SCN4B: variants seen among roughly 807,000 people sequenced by gnomAD.
SCN4B encodes the protein sodium voltage-gated channel beta subunit 4.
Under a neutral mutation model 19.6 loss-of-function variants are expected in SCN4B, and 20 were observed. That is an observed-to-expected ratio of 1.02 (90% CI 0.72 to 1.48). SCN4B has a LOEUF of 1.48. SCN4B is among the 40% of genes most tolerant of loss of function. SCN4B has a pLI of 0.00. For synonymous variants in SCN4B, 127 were observed against 122.8 expected, an observed-to-expected ratio of 1.03 and a Z score of -0.22; for missense variants, 271 against 287.5, an observed-to-expected ratio of 0.94 and a Z score of 0.42.
chr11:118,145,700 G>C (rs1948165049), intron 1 of SCN4B: 2 of 311,932 alleles, frequency 6.4e-6, no homozygotes, highest in East Asian at 1.7e-4. Context: ...GGTCGAGGAG[G>C]GGGAAGAGCC....
intron 4 of SCN4B, 119 bp downstream of exon 4, chr11:118,141,088 A>G: frequency 9.0e-7 from 1 of 1,108,724 alleles, no homozygotes; most frequent in African/African-American, 1.6e-5. Context: ...TAGAACAGAG[A>G]GCGGTAGGAA....
intron 3 of SCN4B, 30 bp from the exon 4 acceptor site, chr11:118,141,366 A>C: frequency 6.2e-7 from 1 of 1,611,960 alleles, no homozygotes; most frequent in East Asian, 2.2e-5. Context: ...AGGAAAGGGA[A>C]GGCACAAAGG....
intron 1 of SCN4B, chr11:118,145,620 C>G: frequency 2.2e-6 from 1 of 451,266 alleles, no homozygotes; most frequent in East Asian, 7.0e-5. Context: ...GGGCTCCCTT[C>G]TGTTTGCAGG....
chr11:118,140,290 G>T (rs990621419), intron 4 of SCN4B, among the ~76,000 whole-genome samples: 1 of 152,134 alleles, frequency 6.6e-6, no homozygotes, highest in African/African-American at 2.4e-5. Flanking sequence ...GTCCTCCCCT[G>T]CTCCCCAGCC....
At chr11:118,144,696 C>G (rs1236351430) in intron 2 of SCN4B, among the ~76,000 whole-genome samples, 1 of 152,186 alleles carries the variant, frequency 6.6e-6, no homozygotes, top group African/African-American at 2.4e-5. Flanking sequence ...CAGCCCTTCC[C>G]TCATTCAGAC....
At chr11:118,151,304 T>A (rs1233981249) in intron 1 of SCN4B, among the ~76,000 whole-genome samples, 1 of 152,128 alleles carries the variant, frequency 6.6e-6, no homozygotes, top group South Asian at 2.1e-4. Flanking sequence ...TCCTCAGTGA[T>A]CCTTTACCCC....
chr11:118,139,544 A>ACAGTGCCTTGCGCACAGTGCCTTGCACC (rs1008211848), intron 4 of SCN4B, among the ~76,000 whole-genome samples: 6 of 152,130 alleles, frequency 3.9e-5, no homozygotes, highest in Admixed American at 3.9e-4. Flanking sequence ...AGCATCTGGC[A>ACAGTGCCTTGCGCACAGTGCCTTGCACC]CAGTGCCTCA....
At chr11:118,140,166 C>A (rs1208164593) in intron 4 of SCN4B, among the ~76,000 whole-genome samples, 2 of 152,186 alleles carry the variant, frequency 1.3e-5, no homozygotes, top group African/African-American at 4.8e-5. Flanking sequence ...AAAAACAGAA[C>A]CTAATTAAGC....
intron 1 of SCN4B, chr11:118,145,830 G>T (rs1948166867): frequency 5.4e-6 from 1 of 186,436 alleles, no homozygotes; most frequent in Non-Finnish European, 1.1e-5. Context: ...AGAGGCAGAA[G>T]GACACGTTCG....
At position 118,135,492 on chromosome 11, in the gene SCN4B, T is replaced by A. The variant is rs1490885265; in HGVS notation, c.*1535A>T. 2.2e-6 allele frequency: 1 copy of A among 454,012 alleles called. No homozygotes were observed. Among genetic ancestry groups the A allele is most frequent in the South Asian group, 1.6e-5 (1 of 64,472 alleles). The allele number at this position is 454,012 out of a possible 1,614,324, so 28.1% of individuals were successfully genotyped here. On this transcript the variant is annotated 3_prime_UTR_variant, in exon 5 of 5. Transcript: ENST00000324727. ...GGAAGTAGATGGGCAGAGAGGCTTG[T>A]TACCACTTTTCCCTGCCATCCCTGG... is the stretch of plus-strand genomic sequence containing the variant.
Position 118,134,405 on chromosome 11 carries a change from A to G in SCN4B, c.*2622T>C, listed in dbSNP as rs2135494123. On this transcript the variant is annotated 3_prime_UTR_variant, in exon 5 of 5. Coordinates refer to ENST00000324727, the MANE Select transcript of SCN4B (RefSeq NM_174934.4). Reference sequence around the variant, plus strand: ...CACTGAGGTTCCACTTGGGGAAGATAGCTTTGCCCATATACATCCTAGTGC... The same window carrying G: ...CACTGAGGTTCCACTTGGGGAAGATGGCTTTGCCCATATACATCCTAGTGC... The G allele has an allele frequency of 2.2e-6, 1 of 454,144 alleles. No individual in the cohort carries two copies. Among genetic ancestry groups the G allele is most frequent in the Non-Finnish European group, 4.4e-6 (1 of 226,792 alleles). 28.1% of individuals were successfully genotyped at this position (454,144 alleles called of 1,614,324 possible). A position where few individuals can be genotyped will look rare whatever the true frequency, so the allele number is the denominator to read the frequency against.
At position 118,135,194 on chromosome 11, in the gene SCN4B, G is replaced by T. The variant is rs942214759; in HGVS notation, c.*1833C>A. ...CAGCCCATGACAGGTTCTGGGTAGAGAAGAATGGGAGGCGCACAGGCAGAT... is the reference window on the plus strand; with the variant it reads ...CAGCCCATGACAGGTTCTGGGTAGATAAGAATGGGAGGCGCACAGGCAGAT... On this transcript the variant is annotated 3_prime_UTR_variant, in exon 5 of 5. Transcript: ENST00000324727. 6.6e-6 allele frequency: 3 copies of T among 454,072 alleles called. No individual in the cohort carries two copies. In the East Asian group the frequency reaches 2.1e-4, roughly 32 times the overall value. The allele number at this position is 454,072 out of a possible 1,614,324, so 28.1% of individuals were successfully genotyped here.
chr11:118,145,184 C>A lies in SCN4B; in HGVS notation c.107G>T (p.Gly36Val). 2 of 1,603,596 alleles carry A rather than the reference C, an allele frequency of 1.2e-6. No individual in the cohort carries two copies. The highest frequency in any genetic ancestry group is 1.7e-6 in the Non-Finnish European group (2 of 1,175,790). The change falls in exon 2 of 5, where the codon GGA (glycine) becomes GTA (valine). Residue 36 changes from glycine (G) to valine (V), a missense_variant. By Grantham distance (109) the Gly-to-Val change is moderately radical. Coordinates refer to ENST00000324727, the MANE Select transcript of SCN4B (RefSeq NM_174934.4). ...PVTLSLEVSVGKATDIYAVNG... is the reference protein window; with the variant it reads ...PVTLSLEVSVVKATDIYAVNG... The stretch of plus-strand genomic sequence containing the variant: ...GACAGCGTAGATGTCGGTGGCCTTT[C>A]CCACAGACACCTCCAGCGACAGGGT...
Position 118,136,584 on chromosome 11 carries a change from C to A in SCN4B, c.*443G>T. The A allele has an allele frequency of 2.2e-6, 1 of 454,530 alleles. No individual in the cohort carries two copies. The allele number at this position is 454,530 out of a possible 1,614,324, so 28.2% of individuals were successfully genotyped here. ...TCTCCAGAGGCCTCCAGCCCACTCC[C>A]ACCTCCAAAGGAAGCCACTTCTTCC... On this transcript the variant is annotated 3_prime_UTR_variant, in exon 5 of 5. Coordinates refer to ENST00000324727, the MANE Select transcript of SCN4B (RefSeq NM_174934.4).
chr11:118,136,409 C>T lies in SCN4B; in HGVS notation c.*618G>A, dbSNP rs1313277825. On this transcript the variant is annotated 3_prime_UTR_variant, in exon 5 of 5. Transcript: ENST00000324727. The stretch of plus-strand genomic sequence containing the variant: ...AGCCCTGGTTGAGAGGGCTTAAAAA[C>T]TCTGAGCAGGGGAGGGGATAGGCAG... The T allele has an allele frequency of 2.4e-5, 11 of 453,334 alleles. No homozygotes were observed. The highest frequency in any genetic ancestry group is 2.4e-4 in the Admixed American group (10 of 42,518). The allele number at this position is 453,334 out of a possible 1,614,324, so 28.1% of individuals were successfully genotyped here. A position where few individuals can be genotyped will look rare whatever the true frequency, so the allele number is the denominator to read the frequency against.
chr11:118,141,181 C>T, intron 4 of SCN4B, 26 bp downstream of exon 4: 1 of 1,612,560 alleles, frequency 6.2e-7, no homozygotes, highest in East Asian at 2.2e-5. Flanking sequence ...GCTGGGAGGA[C>T]AGGAGTGTGC....
intron 1 of SCN4B, chr11:118,145,693 C>G (rs1372226244): frequency 6.6e-6 from 2 of 302,770 alleles, no homozygotes; most frequent in East Asian, 1.7e-4. Context: ...GCGGGGCGGT[C>G]GAGGAGGGGG....
intron 1 of SCN4B, chr11:118,145,694 G>C (rs555758932): frequency 3.2e-6 from 1 of 312,658 alleles, no homozygotes; most frequent in African/African-American, 2.2e-5. Context: ...CGGGGCGGTC[G>C]AGGAGGGGGA....
At chr11:118,146,200 C>T (rs1948172976) in intron 1 of SCN4B, among the ~76,000 whole-genome samples, 1 of 152,202 alleles carries the variant, frequency 6.6e-6, no homozygotes, top group Non-Finnish European at 1.5e-5. Context: ...ACCTCCGCCC[C>T]AGCACTCCGA....
Sources: allele counts gnomAD v4.1 joint callset (sites outside exome capture counted in the v4.1 genomes callset), GRCh38; gene constraint gnomAD v4.1.1; transcripts MANE v1.5; gene names NCBI Gene and HGNC (gene_info 2026-07-23, HGNC 2026-07-21).